Variants in CABIN1 observed in about 807,000 individuals in gnomAD.
CABIN1 encodes the protein calcineurin-binding protein cabin-1.
Under a neutral mutation model 227.7 loss-of-function variants are expected in CABIN1, and 133 were observed. That is an observed-to-expected ratio of 0.58 (90% CI 0.51 to 0.67). The LOEUF (loss-of-function observed/expected upper bound fraction) is 0.67. Ranked by LOEUF, CABIN1 falls within the 30% of genes least tolerant of loss-of-function variation. The probability of loss-of-function intolerance (pLI) is 0.00; values close to 1 mark genes in which losing one functional copy is unlikely to be tolerated. For synonymous variants in CABIN1, 1,086 were observed against 1,155.1 expected (o/e 0.94, Z 1.21); for missense variants, 2,408 against 2,852.5 (o/e 0.84, Z 3.55).
chr22:24,132,591 A>G (rs1569261714), intron 28 of CABIN1, among the ~76,000 whole-genome samples: 1 of 151,480 alleles, frequency 6.6e-6, no homozygotes, highest in Admixed American at 6.6e-5. Flanking sequence ...TTGCTTTGTT[A>G]TTTTTTTGTT....
chr22:24,170,814 CGAG>C (rs2046765616), intron 33 of CABIN1, among the ~76,000 whole-genome samples: 1 of 150,430 alleles, frequency 6.6e-6, no homozygotes, highest in African/African-American at 2.4e-5. Context: ...CTCCCACACT[CGAG>C]GGGGTGGGGA....
chr22:24,015,267 C>T (rs1428779076), intron 1 of CABIN1, among the ~76,000 whole-genome samples: 1 of 34,184 alleles, frequency 2.9e-5, no homozygotes, highest in Non-Finnish European at 4.9e-5. Context: ...GAGAATCCAT[C>T]TCCAAAAAAA....
chr22:24,160,637 C>T (rs2046096730), intron 29 of CABIN1, among the ~76,000 whole-genome samples: 2 of 152,240 alleles, frequency 1.3e-5, no homozygotes, highest in Admixed American at 1.3e-4. Flanking sequence ...AGCCCCTGCC[C>T]CTCCAGGAGT....
intron 28 of CABIN1, among the ~76,000 whole-genome samples, chr22:24,122,876 A>C (rs2043503073): frequency 6.6e-6 from 1 of 152,068 alleles, no homozygotes; most frequent in South Asian, 2.1e-4. Flanking sequence ...TGCTTTCGAG[A>C]CACCAGGTAC....
Position 24,072,460 on chromosome 22 carries a change from C to G in CABIN1, c.2582C>G (p.Thr861Ser). 6.2e-7 allele frequency: 1 copy of G among 1,614,212 alleles called. No homozygotes were observed. The highest frequency in any genetic ancestry group is 8.5e-7 in the Non-Finnish European group (1 of 1,180,036). Residue 861 changes from threonine to serine, a missense_variant, in exon 18 of 37, where the codon ACC becomes AGC. By Grantham distance (58) the Thr-to-Ser change is moderately conservative (BLOSUM62 1). Transcript: ENST00000263119. Reference protein sequence around the residue: ...LHRIIWQEEDTFHSLCHQQQL... With the variant: ...LHRIIWQEEDSFHSLCHQQQL... ...CGGATCATCTGGCAGGAGGAAGACACCTTCCATTCTCTGTGCCACCAGCAG... is the reference window on the plus strand; with the variant it reads ...CGGATCATCTGGCAGGAGGAAGACAGCTTCCATTCTCTGTGCCACCAGCAG...
intron 34 of CABIN1, among the ~76,000 whole-genome samples, chr22:24,174,037 G>T (rs2046976076): frequency 6.6e-6 from 1 of 151,206 alleles, no homozygotes; most frequent in South Asian, 2.1e-4. Context: ...TGGAGACAGG[G>T]TTTCCCCATG....
At chr22:24,099,423 G>T (rs550753814) in intron 26 of CABIN1, among the ~76,000 whole-genome samples, 1 of 152,252 alleles carries the variant, frequency 6.6e-6, no homozygotes, top group African/African-American at 2.4e-5. Flanking sequence ...GGATCTGAGT[G>T]TGTGCTGTGT....
At chr22:24,138,111 TGGGTGGGGGGCACGTGCC>T in intron 29 of CABIN1, among the ~76,000 whole-genome samples, 1 of 152,332 alleles carries the variant, frequency 6.6e-6, no homozygotes, top group African/African-American at 2.4e-5. Context: ...CCTTAGAGCT[TGGGTGGGGGGCACGTGCC>T]TTCTGTTATT....
intron 27 of CABIN1, among the ~76,000 whole-genome samples, chr22:24,117,159 C>T (rs540919522): frequency 3.4e-4 from 51 of 152,102 alleles, no homozygotes; most frequent in Non-Finnish European, 5.6e-4. Flanking sequence ...CCCATCTCTC[C>T]GGGGCCCCTT....
chr22:24,134,682 G>C (rs1470360735), intron 29 of CABIN1, among the ~76,000 whole-genome samples: 1 of 152,174 alleles, frequency 6.6e-6, no homozygotes, highest in East Asian at 1.9e-4. Context: ...AGGTATTCTG[G>C]GGCCACACAG....
chr22:24,139,582 T>C (rs1317007005), intron 29 of CABIN1, among the ~76,000 whole-genome samples: 5 of 148,682 alleles, frequency 3.4e-5, no homozygotes, highest in Non-Finnish European at 7.4e-5. Context: ...AAAAAAAAAG[T>C]GTGCGTGTGT....
intron 28 of CABIN1, among the ~76,000 whole-genome samples, chr22:24,131,876 G>A (rs1357575933): frequency 2.0e-5 from 3 of 152,098 alleles, no homozygotes; most frequent in Non-Finnish European, 2.9e-5. Flanking sequence ...GACCAGCCTG[G>A]GCAACGTGGT....
chr22:24,164,555 C>T lies in CABIN1; in HGVS notation c.4902C>T (p.Asp1634=). 6.2e-7 allele frequency: 1 copy of T among 1,604,260 alleles called. No individual in the cohort carries two copies. The highest frequency in any genetic ancestry group is 8.5e-7 in the Non-Finnish European group (1 of 1,179,930). ...CCTCCATGCTTCAGCGGACCCCAGA[C>T]CAGGGCAAGTGAGTGCAGCCACCCT... is the stretch of plus-strand genomic sequence containing the variant. ...KVSSMLQRTP[D]QGKKYLRDAD... is the part of the protein sequence containing the mutation. The change falls in exon 30 of 37, where the codon GAC becomes GAT. Residue 1634 remains aspartate, a synonymous_variant. Coordinates refer to ENST00000263119, the MANE Select transcript of CABIN1 (RefSeq NM_012295.4).
chr22:24,099,192 G>A (rs112588827), intron 26 of CABIN1, among the ~76,000 whole-genome samples: 3 of 152,154 alleles, frequency 2.0e-5, no homozygotes, highest in East Asian at 1.9e-4. Flanking sequence ...CCCAGTGCTC[G>A]GGTTCCTGGA....
At chr22:24,134,503 T>G in intron 29 of CABIN1, 88 bp downstream of exon 29, 1 of 1,095,506 alleles carries the variant, frequency 9.1e-7, no homozygotes, top group East Asian at 2.6e-5. Flanking sequence ...TAGGTGGGTG[T>G]TCCCAGGGCC....
chr22:24,109,367 G>C (rs916431044), intron 26 of CABIN1, among the ~76,000 whole-genome samples: 18 of 151,014 alleles, frequency 1.2e-4, no homozygotes, highest in African/African-American at 4.4e-4. Flanking sequence ...TGCCACGCCT[G>C]CCTAATTTTT....
intron 3 of CABIN1, among the ~76,000 whole-genome samples, chr22:24,037,735 TAC>T (rs1400204143): frequency 6.6e-6 from 1 of 152,164 alleles, no homozygotes; most frequent in East Asian, 1.9e-4. Context: ...TGACACTAGC[TAC>T]ACAGAGTTAG....
At chr22:24,026,000 A>AT (rs1478041972) in intron 1 of CABIN1, among the ~76,000 whole-genome samples, 4 of 151,978 alleles carry the variant, frequency 2.6e-5, no homozygotes, top group South Asian at 2.1e-4. Context: ...CGCCCAGCTA[A>AT]TTTTTTTGTA....
chr22:24,118,558 C>T (rs1458469305), intron 27 of CABIN1, among the ~76,000 whole-genome samples: 1 of 152,174 alleles, frequency 6.6e-6, no homozygotes, highest in Non-Finnish European at 1.5e-5. Flanking sequence ...GCAGGCTGTG[C>T]AGGGCGTGCC....
Sources: allele counts gnomAD v4.1 joint callset (sites outside exome capture counted in the v4.1 genomes callset), GRCh38; gene constraint gnomAD v4.1.1; transcripts MANE v1.5; gene names NCBI Gene and HGNC (gene_info 2026-07-23, HGNC 2026-07-21).